The following ULK2 variants were observed in gnomAD, a reference collection of about 807,000 sequenced individuals.
ULK2 encodes the protein unc-51 like autophagy activating kinase 2, also known as serine/threonine-protein kinase ULK2.
A neutral mutation model predicts 127.5 loss-of-function variants in ULK2; 76 were observed. The ratio of observed to expected loss-of-function variants is 0.60; its 90% CI spans 0.50 to 0.72. ULK2 has a LOEUF of 0.72. Ranked by LOEUF, ULK2 falls within the 30% of genes least tolerant of loss-of-function variation. The pLI, the probability that ULK2 is intolerant of heterozygous loss-of-function variation, is 0.00. For synonymous variants in ULK2, 452 were observed against 461.9 expected (o/e 0.98, Z 0.28); for missense variants, 1,144 against 1,295.9 (o/e 0.88, Z 1.80).
intron 3 of ULK2, among the ~76,000 whole-genome samples, chr17:19,862,133 G>A (rs1207091664): frequency 2.0e-5 from 3 of 149,920 alleles, no homozygotes; most frequent in Non-Finnish European, 4.4e-5. Context: ...GTCTGGCTCT[G>A]TCACCTAGGC....
At chr17:19,788,767 T>C (rs1290906993) in intron 20 of ULK2, among the ~76,000 whole-genome samples, 5 of 152,140 alleles carry the variant, frequency 3.3e-5, no homozygotes, top group Non-Finnish European at 7.4e-5. Context: ...TGAAGAGCCC[T>C]TGGGCCTTAA....
chr17:19,800,915 T>A (rs1368395086), intron 16 of ULK2, among the ~76,000 whole-genome samples: 2 of 152,214 alleles, frequency 1.3e-5, no homozygotes, highest in Non-Finnish European at 2.9e-5. Context: ...TCCCTTGGTT[T>A]CACTGAAGAT....
At chr17:19,854,809 T>C (rs1678243330) in intron 3 of ULK2, among the ~76,000 whole-genome samples, 1 of 150,668 alleles carries the variant, frequency 6.6e-6, no homozygotes, top group Non-Finnish European at 1.5e-5. Flanking sequence ...TTCCATATAT[T>C]AAAGACACGG....
At chr17:19,807,389 G>A (rs2087536472) in intron 14 of ULK2, among the ~76,000 whole-genome samples, 1 of 152,170 alleles carries the variant, frequency 6.6e-6, no homozygotes, top group South Asian at 2.1e-4. Flanking sequence ...CATGGGCTGT[G>A]TATGCAGCTG....
chr17:19,842,358 C>A (rs1377958188), intron 8 of ULK2, among the ~76,000 whole-genome samples: 1 of 151,586 alleles, frequency 6.6e-6, no homozygotes, highest in Non-Finnish European at 1.5e-5. Context: ...CCACCACACC[C>A]GGCTAATTTT....
rs1485872903 is a variant in ULK2, at chr17:19,781,009, C to T, written c.2735G>A (p.Ser912Asn). The change falls in exon 24 of 27, where the codon AGC becomes AAC. Residue 912 changes from serine to asparagine, a missense_variant. By Grantham distance (46) the Ser-to-Asn change is conservative (BLOSUM62 1). Transcript: ENST00000395544. Reference sequence around the variant, plus strand: ...ACCTTGTTTCACAGCTGTGGATGGGCTCAGTTTCCCGGACTTGATCTGGGC... The same window carrying T: ...ACCTTGTTTCACAGCTGTGGATGGGTTCAGTTTCCCGGACTTGATCTGGGC... ...AKAQIKSGKL[S>N]PSTAVKQVVK... The T allele has an allele frequency of 6.2e-7, 1 of 1,614,036 alleles. No homozygotes were observed. The highest frequency in any genetic ancestry group is 1.1e-5 in the South Asian group (1 of 91,066).
chr17:19,866,902 G>T (rs752001811), intron 1 of ULK2, among the ~76,000 whole-genome samples: 70 of 152,252 alleles, frequency 4.6e-4, no homozygotes, highest in Admixed American at 1.4e-3. Flanking sequence ...TGAGGCTAAT[G>T]GGACATCCGC....
At chr17:19,809,624 T>G (rs2087585804) in intron 14 of ULK2, among the ~76,000 whole-genome samples, 2 of 147,868 alleles carry the variant, frequency 1.4e-5, no homozygotes, top group African/African-American at 5.0e-5. Context: ...TCCCATCTAC[T>G]CAGGAGGCTG....
intron 15 of ULK2, among the ~76,000 whole-genome samples, chr17:19,802,666 C>T (rs1006204260): frequency 6.6e-6 from 1 of 152,148 alleles, no homozygotes; most frequent in Non-Finnish European, 1.5e-5. Context: ...TTTTGGTAGC[C>T]TTTTCAGGTT....
chr17:19,823,633 C>T (rs1347382609), intron 12 of ULK2, among the ~76,000 whole-genome samples: 1 of 152,160 alleles, frequency 6.6e-6, no homozygotes, highest in Non-Finnish European at 1.5e-5. Flanking sequence ...CATCTTACTA[C>T]CAGGACCCTG....
chr17:19,796,296 T>C lies in ULK2; in HGVS notation c.1810-14A>G, dbSNP rs776682198. 13 of 882,014 alleles carry C rather than the reference T, an allele frequency of 1.5e-5. No homozygotes were observed. The highest frequency in any genetic ancestry group is 1.1e-4 in the African/African-American group (6 of 56,314). 54.6% of individuals were successfully genotyped at this position (882,014 alleles called of 1,614,324 possible). On this transcript the variant is annotated splice_polypyrimidine_tract_variant and intron_variant, in intron 18 of 26. Coordinates refer to ENST00000395544, the MANE Select transcript of ULK2 (RefSeq NM_014683.4). ...AGGAGCTGTGGTCTAAAGAGACATA[T>C]ATATATATATATATGTAAACTAGTT...
intron 5 of ULK2, among the ~76,000 whole-genome samples, chr17:19,848,938 C>G (rs1394337168): frequency 6.6e-6 from 1 of 152,032 alleles, no homozygotes; most frequent in African/African-American, 2.4e-5. Flanking sequence ...ACCTTTAATG[C>G]CTTATAATTT....
chr17:19,794,787 C>T (rs896623228), intron 20 of ULK2, among the ~76,000 whole-genome samples: 1 of 151,680 alleles, frequency 6.6e-6, no homozygotes. Context: ...ACAATAATCA[C>T]CTGGGAGTGT....
intron 1 of ULK2, among the ~76,000 whole-genome samples, chr17:19,866,935 T>C (rs965956706): frequency 8.5e-5 from 13 of 152,090 alleles, no homozygotes; most frequent in African/African-American, 2.2e-4. Flanking sequence ...GGGTCTGTAA[T>C]TATCAACCTC....
intron 10 of ULK2, among the ~76,000 whole-genome samples, chr17:19,829,463 G>A (rs1049353818): frequency 6.8e-6 from 1 of 147,912 alleles, no homozygotes; most frequent in East Asian, 2.0e-4. Context: ...CTTGAGCCCA[G>A]GAGGCAGAGG....
At position 19,786,063 on chromosome 17, in the gene ULK2, C is replaced by T; in HGVS notation, c.2125G>A (p.Val709Ile). 1.3e-6 allele frequency: 2 copies of T among 1,568,228 alleles called. No homozygotes were observed. The highest frequency in any genetic ancestry group is 1.7e-6 in the Non-Finnish European group (2 of 1,163,960). ...GCTGTACCTGCAGGAGGTGCCAGAACACCACCACAGGCTCCTGCCGGAGCT... is the reference window on the plus strand; with the variant it reads ...GCTGTACCTGCAGGAGGTGCCAGAATACCACCACAGGCTCCTGCCGGAGCT... ...DIAPAGACGG[V>I]LAPPAGTAAS... The change falls in exon 21 of 27, where the codon GTT (valine) becomes ATT (isoleucine). Residue 709 changes from valine (V) to isoleucine (I), a missense_variant. Val to Ile is a conservative substitution (Grantham distance 29). This residue lies in a region of ULK2 where 913 missense variants were observed against 970.5 expected (regional missense o/e 0.94). Coordinates refer to ENST00000395544, the MANE Select transcript of ULK2 (RefSeq NM_014683.4).
At position 19,775,442 on chromosome 17, in the gene ULK2, C is replaced by CA. The variant is rs1324816407; in HGVS notation, c.*906dup. 1.3e-5 allele frequency: 2 copies of CA among 152,358 alleles called. No individual in the cohort carries two copies. Among genetic ancestry groups the CA allele is most frequent in the Admixed American group, 1.3e-4 (2 of 15,254 alleles). The allele number at this position is 152,358 out of a possible 1,614,324, so 9.4% of individuals were successfully genotyped here. On this transcript the variant is annotated 3_prime_UTR_variant, in exon 27 of 27. Transcript: ENST00000395544. Reference sequence around the variant, plus strand: ...CCATGATTTTGTTTCTAATACTGCCCAAATAAACCTAGCCTTTAATAAACC... The same window carrying CA: ...CCATGATTTTGTTTCTAATACTGCCCAAAATAAACCTAGCCTTTAATAAACC...
intron 9 of ULK2, chr17:19,840,508 C>A: frequency 2.3e-6 from 1 of 444,160 alleles, no homozygotes; most frequent in South Asian, 1.9e-5. Flanking sequence ...TTTAACCTCT[C>A]ATATTAAGTC....
At position 19,774,831 on chromosome 17, in the gene ULK2, T is replaced by TA. The variant is rs1188841584; in HGVS notation, c.*1517dup. ...TATTACACAACAATTCAGTGAGTTT[T>TA]ACCTAGTTTCAAGAATAATGCATGC... On this transcript the variant is annotated 3_prime_UTR_variant, in exon 27 of 27. Coordinates refer to ENST00000395544, the MANE Select transcript of ULK2 (RefSeq NM_014683.4). The TA allele has an allele frequency of 1.3e-5, 2 of 152,674 alleles. No homozygotes were observed. Among genetic ancestry groups the TA allele is most frequent in the Non-Finnish European group, 2.9e-5 (2 of 68,042 alleles). 9.5% of individuals were successfully genotyped at this position (152,674 alleles called of 1,614,324 possible). A position where few individuals can be genotyped will look rare whatever the true frequency, so the allele number is the denominator to read the frequency against.
Sources: gnomAD v4.1 joint callset for allele counts (sites outside exome capture counted in the v4.1 genomes callset) on GRCh38, gnomAD v4.1.1 for gene constraint, gnomAD v4.1.1 regional missense constraint, MANE v1.5 for transcripts, NCBI Gene and HGNC (gene_info 2026-07-23, HGNC 2026-07-21) for gene names.